NDC80: variants seen among roughly 807,000 people sequenced by gnomAD.
NDC80 encodes the protein kinetochore protein NDC80 homolog.
Under a neutral mutation model 89.3 loss-of-function variants are expected in NDC80, and 69 were observed. The ratio of observed to expected loss-of-function variants is 0.77; its 90% confidence interval spans 0.64 to 0.94. The LOEUF (loss-of-function observed/expected upper bound fraction) is 0.94, where lower values mean the gene tolerates loss of function less well. NDC80 is among the 40% of genes least tolerant of loss of function. The pLI is 0.00. For missense variants in NDC80, 593 were observed against 739.6 expected, an observed-to-expected ratio of 0.80 and a Z score of 2.30; for synonymous variants, 243 against 255.6, an observed-to-expected ratio of 0.95 and a Z score of 0.47.
chr18:2,610,786 T>G lies in NDC80; in HGVS notation c.1716T>G (p.Thr572=), dbSNP rs377269716. The G allele has an allele frequency of 6.3e-6, 10 of 1,592,388 alleles. No homozygotes were observed. In the African/African-American group the frequency reaches 1.3e-4, roughly 21 times the overall value. Residue 572 remains threonine, a synonymous_variant, in exon 16 of 17, where the codon ACT becomes ACG. Coordinates refer to ENST00000261597, the MANE Select transcript of NDC80 (RefSeq NM_006101.3). ...ACCAACTAGTTGTGCAAACCACGAC[T>G]GAAGAAAGACGAAAAGTGGGAAATA... is the stretch of plus-strand genomic sequence containing the variant. ...REYQLVVQTT[T]EERRKVGNNL...
chr18:2,614,565 GAAA>G (rs2072768278), intron 16 of NDC80: 1 of 4,660 alleles, frequency 2.1e-4, no homozygotes, highest in African/African-American at 9.5e-4. Context: ...GGAAGGAAGG[GAAA>G]GAAAGAAAGA....
chr18:2,614,453 A>AGAGAGAGAGAGAGAGAGAG (rs1194290545), intron 16 of NDC80: 1 of 5,910 alleles, frequency 1.7e-4, no homozygotes, highest in African/African-American at 8.0e-4. Flanking sequence ...GAAAGAAAGA[A>AGAGAGAGAGAGAGAGAGAG]AGAAAGAAAG....
chr18:2,616,016 C>G (rs2072782057), intron 16 of NDC80, among the ~76,000 whole-genome samples: 1 of 151,996 alleles, frequency 6.6e-6, no homozygotes, highest in Admixed American at 6.6e-5. Context: ...GTGGTGAATA[C>G]AAATATATTC....
Position 2,589,325 on chromosome 18 carries a change from T to C in NDC80, c.870+15T>C, listed in dbSNP as rs1019308190. 1.9e-6 allele frequency: 3 copies of C among 1,550,652 alleles called. No individual in the cohort carries two copies. The highest frequency in any genetic ancestry group is 1.4e-5 in the African/African-American group (1 of 73,520). On this transcript the variant is annotated intron_variant, in intron 9 of 16. Coordinates refer to ENST00000261597, the MANE Select transcript of NDC80 (RefSeq NM_006101.3). ...AAAAAGAACCGGTTAGTAAACATGT[T>C]TACACACTTACTTGAGAGCTCTTTT...
intron 7 of NDC80, among the ~76,000 whole-genome samples, chr18:2,586,931 A>G (rs1413878909): frequency 6.6e-6 from 1 of 152,224 alleles, no homozygotes; most frequent in Non-Finnish European, 1.5e-5. Flanking sequence ...GTGAGTCCAC[A>G]AACTCGATAT....
chr18:2,599,609 C>T (rs2072674187), intron 12 of NDC80, among the ~76,000 whole-genome samples: 1 of 151,988 alleles, frequency 6.6e-6, no homozygotes, highest in Non-Finnish European at 1.5e-5. Flanking sequence ...CACAAGGGCA[C>T]ACATGAAGGC....
intron 10 of NDC80, among the ~76,000 whole-genome samples, chr18:2,591,989 C>T (rs1038941861): frequency 1.3e-5 from 2 of 152,188 alleles, no homozygotes; most frequent in Middle Eastern, 3.4e-3. Flanking sequence ...CTCCTGACCT[C>T]GTGATCCACC....
intron 1 of NDC80, among the ~76,000 whole-genome samples, chr18:2,572,186 G>A (rs1227541268): frequency 6.6e-6 from 1 of 152,224 alleles, no homozygotes; most frequent in Non-Finnish European, 1.5e-5. Flanking sequence ...ATCAAGAAGA[G>A]TCTAATCAGT....
intron 10 of NDC80, 56 bp downstream of exon 10, chr18:2,590,218 A>G (rs560242601): frequency 3.4e-6 from 5 of 1,462,242 alleles, no homozygotes; most frequent in East Asian, 2.5e-5. Context: ...GATTTGTCAC[A>G]TGTAAAAACA....
intron 12 of NDC80, among the ~76,000 whole-genome samples, chr18:2,600,260 G>A (rs1045778787): frequency 6.6e-6 from 1 of 152,168 alleles, no homozygotes; most frequent in Non-Finnish European, 1.5e-5. Context: ...CAATAAAATA[G>A]AATCAATAAG....
chr18:2,576,471 A>T (rs1598363656), intron 3 of NDC80, among the ~76,000 whole-genome samples: 3 of 152,236 alleles, frequency 2.0e-5, no homozygotes, highest in Admixed American at 6.5e-5. Context: ...ACATCATGTT[A>T]CCAGCCTCTG....
At chr18:2,589,027 G>A (rs553947910) in intron 8 of NDC80, among the ~76,000 whole-genome samples, 177 bp from the exon 9 acceptor site, 4 of 152,178 alleles carry the variant, frequency 2.6e-5, no homozygotes, top group South Asian at 4.1e-4. Context: ...AAGGAGAGTC[G>A]AAGTACGGTG....
At chr18:2,594,059 T>G (rs969320515) in intron 10 of NDC80, among the ~76,000 whole-genome samples, 1 of 152,028 alleles carries the variant, frequency 6.6e-6, no homozygotes, top group African/African-American at 2.4e-5. Flanking sequence ...TGCGCCACCA[T>G]GCCCAGCTAA....
intron 7 of NDC80, among the ~76,000 whole-genome samples, 174 bp from the exon 8 acceptor site, chr18:2,587,656 G>A (rs1264052411): frequency 6.6e-6 from 1 of 152,136 alleles, no homozygotes; most frequent in Non-Finnish European, 1.5e-5. Context: ...GACTAAATAA[G>A]TCCATATAGC....
rs770568247 is a variant in NDC80 at position 2,589,307 on chromosome 18, A to G, written c.867A>G (p.Glu289=). Residue 289 remains glutamate (E), a synonymous_variant, in exon 9 of 17, where the codon GAA becomes GAG. Coordinates refer to ENST00000261597, the MANE Select transcript of NDC80 (RefSeq NM_006101.3). ...IARLEQEREK[E]PNRLESLRKL... is the part of the protein sequence containing the mutation. ...GATTGGAACAAGAAAGAGAAAAAGA[A>G]CCGGTTAGTAAACATGTTTACACAC... is the stretch of plus-strand genomic sequence containing the variant. The G allele has an allele frequency of 3.1e-6, 5 of 1,608,974 alleles. No homozygotes were observed. The Admixed American group carries it at 8.3e-5, about 27-fold the overall frequency.
chr18:2,588,060 T>G, intron 8 of NDC80, 137 bp downstream of exon 8: 1 of 630,144 alleles, frequency 1.6e-6, no homozygotes, highest in South Asian at 2.2e-5. Flanking sequence ...ATTTTTATCT[T>G]TGTGGTTTCT....
intron 10 of NDC80, among the ~76,000 whole-genome samples, chr18:2,590,451 C>A (rs1308773491): frequency 1.3e-5 from 2 of 152,188 alleles, no homozygotes; most frequent in African/African-American, 4.8e-5. Flanking sequence ...TTGCCTCTTG[C>A]AGCTTTTAGT....
In NDC80 at chr18:2,574,988, G is replaced by A. The variant is rs768634370; in HGVS notation, c.102-1G>A. On this transcript the variant is annotated splice_acceptor_variant, in intron 2 of 16. Coordinates refer to ENST00000261597, the MANE Select transcript of NDC80 (RefSeq NM_006101.3). LOFTEE classifies it high-confidence loss of function. ...AGAGTTGTTTTCTATTTTTCTTAAA[G>A]CAAAGAGAAACCAACCTTTGGAAAG... is the stretch of plus-strand genomic sequence containing the variant. 1.3e-6 allele frequency: 2 copies of A among 1,589,214 alleles called. No individual in the cohort carries two copies. Among genetic ancestry groups the A allele is most frequent in the African/African-American group, 2.7e-5 (2 of 73,808 alleles).
intron 16 of NDC80, among the ~76,000 whole-genome samples, chr18:2,612,217 TGAA>T (rs1021015607): frequency 8.6e-5 from 13 of 151,208 alleles, no homozygotes; most frequent in Non-Finnish European, 1.8e-4. Flanking sequence ...TCTGTAAAAA[TGAA>T]GCAGTTGTGC....
Sources: gnomAD v4.1 joint callset for allele counts (sites outside exome capture counted in the v4.1 genomes callset) on GRCh38, gnomAD v4.1.1 for gene constraint, MANE v1.5 for transcripts, NCBI Gene and HGNC (gene_info 2026-07-23, HGNC 2026-07-21) for gene names.